The following THSD7B variants were observed in gnomAD, a reference collection of about 807,000 sequenced individuals.
THSD7B encodes the protein thrombospondin type-1 domain-containing protein 7B.
In THSD7B, 138 loss-of-function variants were observed where a neutral mutation model predicts 213.6. That is an observed-to-expected ratio of 0.65 (90% confidence interval 0.56 to 0.74). The LOEUF is 0.74. Among genes scored for constraint, THSD7B ranks in the 30% least tolerant of loss-of-function variants. The pLI, the probability that THSD7B is intolerant of heterozygous loss-of-function variation, is 0.00. For synonymous variants in THSD7B, 742 were observed against 687.0 expected, an observed-to-expected ratio of 1.08 and a Z score of -1.25; for missense variants, 1,931 against 1,991.5, an observed-to-expected ratio of 0.97 and a Z score of 0.58.
intron 5 of THSD7B, among the ~76,000 whole-genome samples, chr2:137,121,758 G>A (rs1688551337): frequency 6.6e-6 from 1 of 152,084 alleles, no homozygotes; most frequent in Non-Finnish European, 1.5e-5. Flanking sequence ...TCATGTAAAA[G>A]GCAAATAACA....
At chr2:137,093,333 C>A (rs1687986424) in intron 3 of THSD7B, among the ~76,000 whole-genome samples, 1 of 152,162 alleles carries the variant, frequency 6.6e-6, no homozygotes, top group Admixed American at 6.5e-5. Flanking sequence ...GGTGTGCTTA[C>A]AAATGTTTAA....
At chr2:136,978,778 C>T (rs1412107051) in intron 2 of THSD7B, among the ~76,000 whole-genome samples, 1 of 152,030 alleles carries the variant, frequency 6.6e-6, no homozygotes, top group African/African-American at 2.4e-5. Context: ...GCATTTAGCT[C>T]ACTTACTTTT....
intron 15 of THSD7B, among the ~76,000 whole-genome samples, chr2:137,462,383 T>C (rs964205419): frequency 6.6e-6 from 1 of 152,052 alleles, no homozygotes; most frequent in Non-Finnish European, 1.5e-5. Flanking sequence ...TAATTATCTT[T>C]TGAAGACACT....
chr2:137,574,696 C>T (rs916548814), intron 17 of THSD7B, among the ~76,000 whole-genome samples: 2 of 152,056 alleles, frequency 1.3e-5, no homozygotes, highest in African/African-American at 2.4e-5. Flanking sequence ...GTAATTAGGG[C>T]TCATACCTGA....
At chr2:136,853,754 T>C (rs1683134895) in intron 1 of THSD7B, among the ~76,000 whole-genome samples, 1 of 152,254 alleles carries the variant, frequency 6.6e-6, no homozygotes, top group Non-Finnish European at 1.5e-5. Flanking sequence ...TCTATCATTC[T>C]TTTTACATTT....
At chr2:137,099,483 A>C (rs1195646655) in intron 4 of THSD7B, among the ~76,000 whole-genome samples, 1 of 152,202 alleles carries the variant, frequency 6.6e-6, no homozygotes, top group Non-Finnish European at 1.5e-5. Context: ...AACAGCTATG[A>C]TTCCAGATCT....
At chr2:137,325,137 G>C (rs1684340823) in intron 12 of THSD7B, among the ~76,000 whole-genome samples, 1 of 151,802 alleles carries the variant, frequency 6.6e-6, no homozygotes, top group East Asian at 1.9e-4. Flanking sequence ...CTGAATTCCA[G>C]CTCCCTTCTC....
At chr2:137,331,326 C>T (rs147724617) in intron 12 of THSD7B, among the ~76,000 whole-genome samples, 3,125 of 151,784 alleles carry the variant, frequency 0.021, 93 homozygotes, top group African/African-American at 0.073. Flanking sequence ...GGTGTATTTA[C>T]AATCCCTGAG....
At chr2:137,593,943 G>T (rs1404919776) in intron 17 of THSD7B, among the ~76,000 whole-genome samples, 1 of 151,942 alleles carries the variant, frequency 6.6e-6, no homozygotes, top group Non-Finnish European at 1.5e-5. Flanking sequence ...AATACATTAT[G>T]TATGTGTGGA....
At chr2:136,787,242 T>C (rs1274276296) in intron 1 of THSD7B, among the ~76,000 whole-genome samples, 1 of 152,144 alleles carries the variant, frequency 6.6e-6, no homozygotes, top group East Asian at 1.9e-4. Context: ...ATTCTTTTTT[T>C]TTCAAGGAAA....
chr2:137,109,975 G>T (rs1688319191), intron 4 of THSD7B, among the ~76,000 whole-genome samples: 1 of 152,072 alleles, frequency 6.6e-6, no homozygotes, highest in South Asian at 2.1e-4. Flanking sequence ...ATGGTGCTGG[G>T]CACTCTGCCT....
chr2:137,326,433 A>T lies in THSD7B; in HGVS notation c.2500+50407A>T, dbSNP rs924020891. Among the ~76,000 whole-genome samples, 6 of 152,204 alleles carry T rather than the reference A, an allele frequency of 3.9e-5. No homozygotes were observed. In the East Asian group the frequency reaches 1.2e-3, roughly 29 times the overall value. ...TAAGCCCCCCACACATTCTTAACAAAGTACAAACATGCAAGAAATGAAAAC... is the reference window on the plus strand; with the variant it reads ...TAAGCCCCCCACACATTCTTAACAATGTACAAACATGCAAGAAATGAAAAC... On this transcript the variant is annotated intron_variant, in intron 12 of 27. Coordinates refer to ENST00000409968, the MANE Select transcript of THSD7B (RefSeq NM_001316349.2).
At chr2:136,949,398 A>G (rs1684996153) in intron 2 of THSD7B, among the ~76,000 whole-genome samples, 1 of 152,174 alleles carries the variant, frequency 6.6e-6, no homozygotes, top group Non-Finnish European at 1.5e-5. Flanking sequence ...AATGATGTAA[A>G]AGAAAACTCC....
intron 12 of THSD7B, among the ~76,000 whole-genome samples, chr2:137,363,589 A>G (rs1685326323): frequency 6.6e-6 from 1 of 152,232 alleles, no homozygotes; most frequent in Non-Finnish European, 1.5e-5. Context: ...ACAAACTACC[A>G]TCAGAGAATA....
chr2:136,859,569 A>T (rs1683228216), intron 1 of THSD7B, among the ~76,000 whole-genome samples: 1 of 152,196 alleles, frequency 6.6e-6, no homozygotes, highest in Non-Finnish European at 1.5e-5. Context: ...GTTCCAAGGA[A>T]GAGCGAGTGG....
intron 7 of THSD7B, among the ~76,000 whole-genome samples, chr2:137,181,974 T>C (rs1055809143): frequency 2.0e-5 from 3 of 152,146 alleles, no homozygotes; most frequent in Admixed American, 2.0e-4. Context: ...TAGCAGTATA[T>C]TTTGAGTGCA....
chr2:137,614,375 G>T, intron 17 of THSD7B, among the ~76,000 whole-genome samples: 1 of 152,080 alleles, frequency 6.6e-6, no homozygotes, highest in African/African-American at 2.4e-5. Flanking sequence ...TTTGATTGAT[G>T]TGTGTATGTT....
intron 15 of THSD7B, among the ~76,000 whole-genome samples, chr2:137,558,750 A>G (rs1020376649): frequency 2.6e-5 from 4 of 152,188 alleles, no homozygotes; most frequent in African/African-American, 9.7e-5. Flanking sequence ...ATGGTATTCA[A>G]TTAGGAAAAG....
intron 12 of THSD7B, among the ~76,000 whole-genome samples, chr2:137,321,442 T>C (rs1176184160): frequency 1.3e-5 from 2 of 152,182 alleles, no homozygotes; most frequent in African/African-American, 2.4e-5. Flanking sequence ...GAGTGTTGTG[T>C]TTGTGCTAAT....
Sources: gnomAD v4.1 joint callset for allele counts (sites outside exome capture counted in the v4.1 genomes callset) on GRCh38, gnomAD v4.1.1 for gene constraint, MANE v1.5 for transcripts, NCBI Gene and HGNC (gene_info 2026-07-23, HGNC 2026-07-21) for gene names.